The following UROS variants were observed in gnomAD, a reference collection of about 807,000 sequenced individuals.
The protein encoded by UROS is uroporphyrinogen III synthase, also known as uroporphyrinogen-III synthase.
Under a neutral mutation model 33.0 loss-of-function variants are expected in UROS, and 18 were observed. The ratio of observed to expected loss-of-function variants is 0.55; its 90% CI spans 0.38 to 0.81. The LOEUF (loss-of-function observed/expected upper bound fraction) is 0.81, where lower values mean the gene tolerates loss of function less well. Among genes scored for constraint, UROS ranks in the 30% least tolerant of loss-of-function variants. The probability of loss-of-function intolerance (pLI) is 0.00; values close to 1 mark genes in which losing one functional copy is unlikely to be tolerated. For synonymous variants in UROS, 114 were observed against 121.1 expected (o/e 0.94, Z 0.38); for missense variants, 293 against 314.9 (o/e 0.93, Z 0.53).
intron 6 of UROS, chr10:125,802,412 C>T (rs1851919308): frequency 1.8e-5 from 18 of 985,670 alleles, no homozygotes; most frequent in South Asian, 1.4e-4. Flanking sequence ...AGAAAATGAC[C>T]CCCAGCAATC....
chr10:125,815,013 C>A, intron 4 of UROS, 21 bp downstream of exon 4: 1 of 1,613,244 alleles, frequency 6.2e-7, no homozygotes, highest in Non-Finnish European at 8.5e-7. Context: ...CCAGTGGAAT[C>A]CACAGCAGAC....
chr10:125,816,702 A>T, intron 1 of UROS, 177 bp from the exon 2 acceptor site: 1 of 646,606 alleles, frequency 1.5e-6, no homozygotes, highest in Non-Finnish European at 2.7e-6. Context: ...CCTGTCACTG[A>T]TAAGGCCAAG....
downstream of UROS, chr10:125,785,837 G>A (rs11818290): frequency 0.31 from 46,776 of 152,202 alleles, 7,374 homozygotes; most frequent in East Asian, 0.4. Flanking sequence ...CTCCATCCAG[G>A]AGCTGGAGGG....
intron 1 of UROS, among the ~76,000 whole-genome samples, chr10:125,822,759 C>G (rs796639496): frequency 1.8e-4 from 27 of 152,302 alleles, no homozygotes; most frequent in African/African-American, 6.5e-4. Context: ...GGCCCGGCCC[C>G]CCGCCGAAGC....
chr10:125,789,267 C>T (rs1171332700), intron 9 of UROS: 1 of 1,404,720 alleles, frequency 7.1e-7, no homozygotes, highest in African/African-American at 1.4e-5. Context: ...CTTGAAGGCC[C>T]CAGGCTGGTG....
At chr10:125,786,183 A>G (rs1171392714), downstream of UROS, among the ~76,000 whole-genome samples, 1 of 152,200 alleles carries the variant, frequency 6.6e-6, no homozygotes, top group Non-Finnish European at 1.5e-5. Context: ...CTCTCCCAGC[A>G]CATCAGGAAT....
rs962976302 is a variant in UROS, at chr10:125,802,183, T to A, written c.395-4038A>T. The A allele has an allele frequency of 1.9e-5, 19 of 985,362 alleles. No homozygotes were observed. In the African/African-American group the frequency reaches 3.0e-4, roughly 15 times the overall value. 61.0% of individuals were successfully genotyped at this position (985,362 alleles called of 1,614,324 possible). On this transcript the variant is annotated intron_variant, in intron 6 of 9. Transcript: ENST00000368797. ...AAAGCCTGGAGCCAGACAAGACCCA[T>A]CTGCATCCTGTACCAGGAACCCCTG...
intron 4 of UROS, among the ~76,000 whole-genome samples, chr10:125,813,772 C>T (rs1853034709): frequency 6.6e-6 from 1 of 152,246 alleles, no homozygotes; most frequent in Admixed American, 6.5e-5. Flanking sequence ...AGCCACTGCG[C>T]CTGGCTGGCT....
intron 1 of UROS, among the ~76,000 whole-genome samples, chr10:125,821,717 G>C (rs1853920450): frequency 6.6e-6 from 1 of 152,190 alleles, no homozygotes; most frequent in African/African-American, 2.4e-5. Flanking sequence ...TGTTCACATG[G>C]TCTTTCTGAG....
intron 5 of UROS, among the ~76,000 whole-genome samples, chr10:125,811,329 G>A (rs1449234536): frequency 6.6e-6 from 1 of 152,132 alleles, no homozygotes; most frequent in African/African-American, 2.4e-5. Flanking sequence ...TTCTCATTCA[G>A]GAAAAAATGA....
chr10:125,787,313 C>G (rs1426662672), downstream of UROS, among the ~76,000 whole-genome samples: 1 of 152,014 alleles, frequency 6.6e-6, no homozygotes, highest in African/African-American at 2.4e-5. Flanking sequence ...GAAGCCCACA[C>G]ATCCCTCCCG....
At chr10:125,785,395 C>A (rs1290510830), downstream of UROS, 1 of 151,658 alleles carries the variant, frequency 6.6e-6, no homozygotes, top group Non-Finnish European at 1.5e-5. Flanking sequence ...CAAATGACCA[C>A]GTACTTTGCT....
chr10:125,801,113 C>G (rs1851811307), intron 6 of UROS, among the ~76,000 whole-genome samples: 2 of 152,200 alleles, frequency 1.3e-5, no homozygotes, highest in South Asian at 4.1e-4. Flanking sequence ...CCATGAGAAT[C>G]AGTTCGAGCA....
chr10:125,818,888 G>A (rs1304488179), intron 1 of UROS, among the ~76,000 whole-genome samples: 1 of 152,214 alleles, frequency 6.6e-6, no homozygotes, highest in Non-Finnish European at 1.5e-5. Context: ...CAGAAAGAAT[G>A]ATTAATTTTC....
chr10:125,798,213 G>A (rs1212370040), intron 6 of UROS, 68 bp from the exon 7 acceptor site: 18 of 1,538,500 alleles, frequency 1.2e-5, no homozygotes, highest in Non-Finnish European at 1.6e-5. Context: ...AATGGGGAGG[G>A]GCAGCTTTGG....
intron 6 of UROS, among the ~76,000 whole-genome samples, chr10:125,801,385 A>G (rs1851829127): frequency 6.6e-6 from 1 of 152,256 alleles, no homozygotes; most frequent in Non-Finnish European, 1.5e-5. Context: ...TATCAGAACA[A>G]TGAGTTATCA....
chr10:125,788,628 G>A lies in UROS; in HGVS notation c.*240C>T. Reference sequence around the variant, plus strand: ...GTTTATTTGACTTCCTTCCTGCTGGGCACAGGAAGCTCTCACAGGGCTAGG... The same window carrying A: ...GTTTATTTGACTTCCTTCCTGCTGGACACAGGAAGCTCTCACAGGGCTAGG... On this transcript the variant is annotated 3_prime_UTR_variant, in exon 10 of 10. Coordinates refer to ENST00000368797, the MANE Select transcript of UROS (RefSeq NM_000375.3). 1 of 1,409,596 alleles carries A rather than the reference G, an allele frequency of 7.1e-7. No homozygotes were observed. The highest frequency in any genetic ancestry group is 9.2e-7 in the Non-Finnish European group (1 of 1,085,110). The allele number at this position is 1,409,596 out of a possible 1,614,324, so 87.3% of individuals were successfully genotyped here. A position where few individuals can be genotyped will look rare whatever the true frequency, so the allele number is the denominator to read the frequency against.
chr10:125,820,105 A>C (rs1853741398), intron 1 of UROS, among the ~76,000 whole-genome samples: 1 of 152,208 alleles, frequency 6.6e-6, no homozygotes, highest in African/African-American at 2.4e-5. Context: ...CTGAGCATTT[A>C]CTCATGTTAA....
At chr10:125,790,265 C>T (rs1850822354) in intron 9 of UROS, among the ~76,000 whole-genome samples, 1 of 152,102 alleles carries the variant, frequency 6.6e-6, no homozygotes, top group African/African-American at 2.4e-5. Context: ...ACACAACACA[C>T]AAAAATCAAT....
Sources: allele counts gnomAD v4.1 joint callset (sites outside exome capture counted in the v4.1 genomes callset), GRCh38; gene constraint gnomAD v4.1.1; transcripts MANE v1.5; gene names NCBI Gene and HGNC (gene_info 2026-07-23, HGNC 2026-07-21).